AGMO: variants seen among roughly 807,000 people sequenced by gnomAD.
AGMO encodes glyceryl-ether monooxygenase.
In AGMO, 75 loss-of-function variants were observed where a neutral mutation model predicts 60.2. The ratio of observed to expected loss-of-function variants is 1.25; its 90% CI spans 1.03 to 1.51. AGMO has a LOEUF of 1.51. Ranked by LOEUF, AGMO falls within the 40% of genes most tolerant of loss-of-function variation. The pLI, the probability that AGMO is intolerant of heterozygous loss-of-function variation, is 0.00. For missense variants in AGMO, 763 were observed against 525.5 expected, an observed-to-expected ratio of 1.45 and a Z score of -4.42; for synonymous variants, 261 against 177.1, an observed-to-expected ratio of 1.47 and a Z score of -3.76.
chr7:15,228,127 A>G (rs1782146835), intron 12 of AGMO, among the ~76,000 whole-genome samples: 1 of 152,134 alleles, frequency 6.6e-6, no homozygotes, highest in Non-Finnish European at 1.5e-5. Context: ...TGTTTGGAAT[A>G]AAACTCCATT....
chr7:15,163,445 T>C, the AGMO span, among the ~76,000 whole-genome samples: 1 of 152,182 alleles, frequency 6.6e-6, no homozygotes, highest in Non-Finnish European at 1.5e-5. Flanking sequence ...CAATATGATG[T>C]TGACTGTTGG....
intron 9 of AGMO, among the ~76,000 whole-genome samples, chr7:15,386,032 T>C (rs967798167): frequency 6.6e-6 from 1 of 151,950 alleles, no homozygotes; most frequent in African/African-American, 2.4e-5. Context: ...AATAAAAAAA[T>C]TAGCTGGGCA....
intron 3 of AGMO, among the ~76,000 whole-genome samples, chr7:15,454,869 C>A (rs1781957321): frequency 6.6e-6 from 1 of 152,052 alleles, no homozygotes; most frequent in African/African-American, 2.4e-5. Context: ...CAAACCTTGA[C>A]CCAACCTTCC....
At chr7:15,449,709 G>C (rs1781808278) in intron 3 of AGMO, among the ~76,000 whole-genome samples, 1 of 152,156 alleles carries the variant, frequency 6.6e-6, no homozygotes, top group African/African-American at 2.4e-5. Flanking sequence ...ATCTGTTATA[G>C]TTTGCATTCT....
chr7:15,122,007 CACG>C, the AGMO span, among the ~76,000 whole-genome samples: 1 of 152,122 alleles, frequency 6.6e-6, no homozygotes, highest in African/African-American at 2.4e-5. Context: ...ACAAAGACTT[CACG>C]ACTAAAACAC....
intron 12 of AGMO, among the ~76,000 whole-genome samples, chr7:15,343,181 C>A (rs1781920348): frequency 6.6e-6 from 1 of 152,002 alleles, no homozygotes; most frequent in South Asian, 2.1e-4. Context: ...AACATATCTC[C>A]CCACTCGCCA....
rs868082249 is a variant in AGMO at position 15,238,902 on chromosome 7, A to G, written c.1264-37543T>C. Among the ~76,000 whole-genome samples, 10 of 152,306 alleles carry G rather than the reference A, an allele frequency of 6.6e-5. 1 individual carries two copies. Among genetic ancestry groups the G allele is most frequent in the Middle Eastern group, 6.8e-3 (2 of 294 alleles). On this transcript the variant is annotated intron_variant, in intron 12 of 12. Coordinates refer to ENST00000342526, the MANE Select transcript of AGMO (RefSeq NM_001004320.2). The stretch of plus-strand genomic sequence containing the variant: ...TAATAATATGTACCCCCATTACTAT[A>G]CACCAGGCGCAGGCGCTATTTAAAG...
chr7:15,363,707 GA>G (rs1169821858), intron 12 of AGMO, among the ~76,000 whole-genome samples: 8 of 152,168 alleles, frequency 5.3e-5, no homozygotes, highest in African/African-American at 1.9e-4. Flanking sequence ...CATCATCAAA[GA>G]ATACCAAATG....
chr7:15,195,389 TG>T (rs1309076567), downstream of AGMO, among the ~76,000 whole-genome samples: 2 of 152,210 alleles, frequency 1.3e-5, no homozygotes, highest in African/African-American at 4.8e-5. Context: ...TGCACAGGGT[TG>T]TACAGATTGG....
At chr7:15,145,325 A>G in the AGMO span, among the ~76,000 whole-genome samples, 1 of 152,200 alleles carries the variant, frequency 6.6e-6, no homozygotes, top group Non-Finnish European at 1.5e-5. Flanking sequence ...AAAATCCTAT[A>G]AAATAAAATA....
chr7:15,530,316 C>T lies in AGMO; in HGVS notation c.409+14456G>A, dbSNP rs551804290. 5.3e-3 allele frequency among the ~76,000 whole-genome samples: 309 copies of T among 58,536 alleles called. 44 individuals carry two copies. Among genetic ancestry groups the T allele is most frequent in the African/African-American group, 0.019 (290 of 15,220 alleles). 38.4% of individuals were successfully genotyped at this position (58,536 alleles called of 152,430 possible). The stretch of plus-strand genomic sequence containing the variant: ...CTATATACGTATTTCCATATATATT[C>T]TATATACGTATTTCCATATATATTC... On this transcript the variant is annotated intron_variant, in intron 3 of 12. Transcript: ENST00000342526.
At chr7:15,352,508 G>T (rs1365775095) in intron 12 of AGMO, among the ~76,000 whole-genome samples, 1 of 151,496 alleles carries the variant, frequency 6.6e-6, no homozygotes, top group African/African-American at 2.4e-5. Context: ...GCTTTTCAGA[G>T]GGAACTGGGC....
chr7:15,458,635 T>G (rs558838248), intron 3 of AGMO, among the ~76,000 whole-genome samples: 9 of 152,334 alleles, frequency 5.9e-5, no homozygotes, highest in African/African-American at 2.2e-4. Context: ...ATCTTGGATT[T>G]TTATGGCTCT....
At chr7:15,353,181 A>C (rs1458753288) in intron 12 of AGMO, among the ~76,000 whole-genome samples, 3 of 152,156 alleles carry the variant, frequency 2.0e-5, no homozygotes, top group Non-Finnish European at 4.4e-5. Context: ...TGTTTACTTT[A>C]AGCTGCTGCT....
chr7:15,488,691 A>C (rs1190895220), intron 3 of AGMO, among the ~76,000 whole-genome samples: 1 of 152,162 alleles, frequency 6.6e-6, no homozygotes, highest in African/African-American at 2.4e-5. Context: ...AAACATTTGA[A>C]GATTATTGAA....
intron 12 of AGMO, among the ~76,000 whole-genome samples, chr7:15,341,330 A>C (rs1463798896): frequency 1.3e-5 from 2 of 152,118 alleles, no homozygotes; most frequent in Non-Finnish European, 2.9e-5. Flanking sequence ...CATTTCTCTG[A>C]AGTTCAAATT....
the AGMO span, among the ~76,000 whole-genome samples, chr7:15,174,848 T>C: frequency 6.6e-6 from 1 of 152,040 alleles, no homozygotes. Context: ...ATTTTCTTTA[T>C]GTATCATCAA....
At chr7:15,383,722 CATT>C (rs1264043485) in intron 10 of AGMO, among the ~76,000 whole-genome samples, 2 of 151,954 alleles carry the variant, frequency 1.3e-5, no homozygotes, top group Non-Finnish European at 2.9e-5. Context: ...CAATAATACA[CATT>C]GTTGTTTGAA....
At chr7:15,454,562 A>T (rs1038531656) in intron 3 of AGMO, among the ~76,000 whole-genome samples, 1 of 152,084 alleles carries the variant, frequency 6.6e-6, no homozygotes, top group Non-Finnish European at 1.5e-5. Context: ...CATTGTTAAC[A>T]TCTTAGTGTG....
Sources: gnomAD v4.1 joint callset for allele counts (sites outside exome capture counted in the v4.1 genomes callset) on GRCh38, gnomAD v4.1.1 for gene constraint, MANE v1.5 for transcripts, NCBI Gene and HGNC (gene_info 2026-07-23, HGNC 2026-07-21) for gene names.